ADGRF5: variants seen among roughly 807,000 people sequenced by gnomAD.
ADGRF5 encodes adhesion G protein-coupled receptor F5.
Under a neutral mutation model 132.3 loss-of-function variants are expected in ADGRF5, and 75 were observed. The observed-to-expected ratio is 0.57, with a 90% confidence interval of 0.47 to 0.69. The LOEUF (loss-of-function observed/expected upper bound fraction) is 0.69, where lower values mean the gene tolerates loss of function less well. Ranked by LOEUF, ADGRF5 falls within the 30% of genes least tolerant of loss-of-function variation. ADGRF5 has a pLI of 0.00. For missense variants in ADGRF5, 1,516 were observed against 1,630.6 expected (o/e 0.93, Z 1.21); for synonymous variants, 629 against 597.6 (o/e 1.05, Z -0.77).
intron 1 of ADGRF5, among the ~76,000 whole-genome samples, chr6:46,931,966 T>A (rs984447377): frequency 6.6e-6 from 1 of 152,118 alleles, no homozygotes; most frequent in African/African-American, 2.4e-5. Flanking sequence ...TCAATTTAAT[T>A]TTTGCCATAA....
At position 46,859,227 on chromosome 6, in the gene ADGRF5, C is replaced by A; in HGVS notation, c.2676G>T (p.Gln892His). ...CCATGGTGACAATAGACGAATCCGACTGCAAGTTTTCTAGATAGCTCTTGT... is the reference window on the plus strand; with the variant it reads ...CCATGGTGACAATAGACGAATCCGAATGCAAGTTTTCTAGATAGCTCTTGT... ...VIDKSYLENL[Q>H]SDSSIVTMAF... Residue 892 changes from glutamine to histidine, a missense_variant, in exon 17 of 21, where the codon CAG becomes CAT. Physicochemically the swap from Gln to His is conservative, Grantham distance 24. Coordinates refer to ENST00000283296, the MANE Select transcript of ADGRF5 (RefSeq NM_001098518.2). The A allele has an allele frequency of 6.2e-7, 1 of 1,614,174 alleles. No individual in the cohort carries two copies. The highest frequency in any genetic ancestry group is 8.5e-7 in the Non-Finnish European group (1 of 1,180,030).
At chr6:46,947,683 C>T (rs1778349916) in intron 1 of ADGRF5, among the ~76,000 whole-genome samples, 1 of 152,244 alleles carries the variant, frequency 6.6e-6, no homozygotes, top group Admixed American at 6.5e-5. Context: ...CCACTTCGGA[C>T]ATTCGCAACC....
At chr6:46,885,763 A>G (rs1303218439) in intron 4 of ADGRF5, among the ~76,000 whole-genome samples, 2 of 152,242 alleles carry the variant, frequency 1.3e-5, no homozygotes, top group Non-Finnish European at 2.9e-5. Flanking sequence ...CTCTATTTGT[A>G]GACTATTGTA....
At chr6:46,872,697 G>A (rs1045668268) in intron 10 of ADGRF5, among the ~76,000 whole-genome samples, 1 of 151,802 alleles carries the variant, frequency 6.6e-6, no homozygotes, top group Admixed American at 6.6e-5. Flanking sequence ...TGCCCTCCAT[G>A]CCATCTTTCC....
chr6:46,953,685 A>ATCTATATATC, intron 1 of ADGRF5, among the ~76,000 whole-genome samples: 2 of 126,952 alleles, frequency 1.6e-5, no homozygotes, highest in South Asian at 5.2e-4. Flanking sequence ...ATATATATAT[A>ATCTATATATC]TATATCTCAC....
intron 1 of ADGRF5, among the ~76,000 whole-genome samples, chr6:46,910,811 G>T (rs1173392548): frequency 6.6e-6 from 1 of 152,172 alleles, no homozygotes; most frequent in Non-Finnish European, 1.5e-5. Context: ...GCTGTGTGAT[G>T]TGGGGCAAGT....
At chr6:46,878,458 A>C in intron 9 of ADGRF5, 53 bp from the exon 10 acceptor site, 1 of 1,073,728 alleles carries the variant, frequency 9.3e-7, no homozygotes, top group Non-Finnish European at 1.4e-6. Context: ...GTATTTTCTT[A>C]GAGGAATGTA....
At chr6:46,886,339 A>G (rs935060769) in intron 4 of ADGRF5, among the ~76,000 whole-genome samples, 8 of 152,256 alleles carry the variant, frequency 5.3e-5, no homozygotes, top group Admixed American at 3.9e-4. Flanking sequence ...CTACTAACAA[A>G]GAAGCTGAGT....
chr6:46,878,003 A>C (rs757475432), intron 10 of ADGRF5, among the ~76,000 whole-genome samples, 199 bp downstream of exon 10: 5 of 152,106 alleles, frequency 3.3e-5, no homozygotes, highest in Admixed American at 1.3e-4. Flanking sequence ...AAAGCACGAC[A>C]CTTGTGTGCA....
chr6:46,859,468 T>C lies in ADGRF5; in HGVS notation c.2435A>G (p.Lys812Arg). The change falls in exon 17 of 21, where the codon AAG (lysine) becomes AGG (arginine). Residue 812 changes from lysine to arginine, a missense_variant. Lys to Arg is a conservative substitution (Grantham distance 26). Around this residue, in one of 2 missense-constraint regions of ADGRF5, gnomAD observed 571 missense variants for 701.2 expected, o/e 0.81. Coordinates refer to ENST00000283296, the MANE Select transcript of ADGRF5 (RefSeq NM_001098518.2). ...ATTGGTCCATTGCTGTTGTAAAACC[T>C]TCCAGGTGTTCAAGACGGGCTTGCC... ...ILGKPVLNTWKVLQQQWTNQS... is the reference protein window; with the variant it reads ...ILGKPVLNTWRVLQQQWTNQS... The C allele has an allele frequency of 6.2e-7, 1 of 1,613,688 alleles. No homozygotes were observed. Among genetic ancestry groups the C allele is most frequent in the South Asian group, 1.1e-5 (1 of 91,038 alleles).
chr6:46,940,375 A>G (rs771825165), intron 1 of ADGRF5, among the ~76,000 whole-genome samples: 1 of 152,230 alleles, frequency 6.6e-6, no homozygotes, highest in Non-Finnish European at 1.5e-5. Context: ...AGCAAAGGGG[A>G]CAAGAAGCAC....
In ADGRF5 at chr6:46,884,041, C is replaced by T. The variant is rs916786080; in HGVS notation, c.505+54G>A. ...ACAGGCATGAGCCACCATGCCCAGT[C>T]GTAAACTGATGTTGAATAGCCACTC... On this transcript the variant is annotated intron_variant, in intron 5 of 20. Transcript: ENST00000283296. The T allele has an allele frequency of 8.4e-6, 12 of 1,425,054 alleles. No individual in the cohort carries two copies. In the South Asian group the frequency reaches 8.5e-5, roughly 10 times the overall value. 88.3% of individuals were successfully genotyped at this position (1,425,054 alleles called of 1,614,324 possible).
chr6:46,925,725 C>G (rs1407751389), upstream of ADGRF5, among the ~76,000 whole-genome samples: 1 of 152,222 alleles, frequency 6.6e-6, no homozygotes, highest in Non-Finnish European at 1.5e-5. Context: ...CCATTGCATT[C>G]CAGCCTGAGT....
chr6:46,931,256 T>G (rs1400921002), intron 1 of ADGRF5, among the ~76,000 whole-genome samples: 1 of 152,178 alleles, frequency 6.6e-6, no homozygotes, highest in Non-Finnish European at 1.5e-5. Context: ...TACGTCTTTC[T>G]CTTTCCCCTC....
In ADGRF5 at chr6:46,867,085, T is replaced by C. The variant is rs779799125; in HGVS notation, c.1674A>G (p.Lys558=). 2 of 1,613,706 alleles carry C rather than the reference T, an allele frequency of 1.2e-6. No homozygotes were observed. Among genetic ancestry groups the C allele is most frequent in the Non-Finnish European group, 1.7e-6 (2 of 1,179,640 alleles). The change falls in exon 13 of 21, where the codon AAA becomes AAG. Residue 558 remains lysine, a synonymous_variant. Transcript: ENST00000283296. ...RYKNSYSIAT[K]DVIVHPLPLK... ...GAGGCAGCGGGTGAACAATGACGTC[T>C]TTGGTTGCAATACTGTATGAATTCT... is the stretch of plus-strand genomic sequence containing the variant.
At chr6:46,892,762 G>T (rs1393408927) in intron 3 of ADGRF5, among the ~76,000 whole-genome samples, 1 of 152,028 alleles carries the variant, frequency 6.6e-6, no homozygotes, top group Non-Finnish European at 1.5e-5. Context: ...AAAAAGAAAA[G>T]AAAAAGTTCA....
chr6:46,913,298 G>C (rs1018258489), intron 1 of ADGRF5, among the ~76,000 whole-genome samples: 3 of 152,108 alleles, frequency 2.0e-5, no homozygotes, highest in South Asian at 2.1e-4. Context: ...TGGAGTATGA[G>C]ACCAGCCTTG....
At chr6:46,875,630 A>C (rs565575277) in intron 10 of ADGRF5, among the ~76,000 whole-genome samples, 1 of 152,246 alleles carries the variant, frequency 6.6e-6, no homozygotes, top group East Asian at 1.9e-4. Flanking sequence ...TAGAAAAATT[A>C]GCAGGGTGTG....
intron 9 of ADGRF5, among the ~76,000 whole-genome samples, chr6:46,879,579 G>T (rs981377670): frequency 1.3e-5 from 2 of 152,208 alleles, no homozygotes; most frequent in African/African-American, 4.8e-5. Context: ...ATGCAGAACT[G>T]TGAGTCAATT....
Sources: allele counts gnomAD v4.1 joint callset (sites outside exome capture counted in the v4.1 genomes callset), GRCh38; gene constraint gnomAD v4.1.1; regional missense constraint gnomAD v4.1.1; transcripts MANE v1.5; gene names NCBI Gene and HGNC (gene_info 2026-07-23, HGNC 2026-07-21).